The following ATP7B variants were observed in gnomAD, a reference collection of about 807,000 sequenced individuals.
ATP7B encodes copper-transporting ATPase 2.
Under a neutral mutation model 118.9 loss-of-function variants are expected in ATP7B, and 113 were observed. The observed-to-expected ratio is 0.95, with a 90% CI of 0.82 to 1.11. The LOEUF is 1.11. ATP7B is among the 50% of genes most tolerant of loss of function. ATP7B has a pLI of 0.00. For synonymous variants in ATP7B, 777 were observed against 727.4 expected (o/e 1.07, Z -1.10); for missense variants, 1,867 against 1,871.4 (o/e 1.00, Z 0.04).
At chr13:51,997,028 T>G (rs1953243868) in intron 1 of ATP7B, among the ~76,000 whole-genome samples, 1 of 152,232 alleles carries the variant, frequency 6.6e-6, no homozygotes, top group Non-Finnish European at 1.5e-5. Flanking sequence ...GCCAGCACTG[T>G]GGGGCTGTGC....
chr13:51,962,022 A>C, intron 5 of ATP7B, 109 bp from the exon 6 acceptor site: 3 of 895,534 alleles, frequency 3.3e-6, no homozygotes, highest in Non-Finnish European at 5.4e-6. Context: ...TGAATCTAAA[A>C]GTGCCTCAGT....
At chr13:51,995,236 G>A (rs1953147745) in intron 1 of ATP7B, 1 of 920,754 alleles carries the variant, frequency 1.1e-6, no homozygotes, top group Non-Finnish European at 1.3e-6. Flanking sequence ...CCACACAAGA[G>A]ACATGGAGAG....
At position 51,958,366 on chromosome 13, in the gene ATP7B, G is replaced by A. The variant is rs776668666; in HGVS notation, c.2300C>T (p.Pro767Leu). Residue 767 changes from proline (P) to leucine (L), a missense_variant, in exon 8 of 21, where the codon CCC (proline) becomes CTC (leucine). By Grantham distance (98) the Pro-to-Leu change is moderately conservative. Transcript: ENST00000242839. ...GGCAATGAACACAAAGAGCATGGGG[G>A]GCGTGTCGAAGAATGTCACAGGGCT... ...ERSPVTFFDT[P>L]PMLFVFIALG... 7.4e-6 allele frequency: 12 copies of A among 1,614,086 alleles called. No individual in the cohort carries two copies. In the African/African-American group the frequency reaches 9.3e-5, roughly 13 times the overall value.
At chr13:52,008,366 G>A (rs1953875039) in intron 1 of ATP7B, among the ~76,000 whole-genome samples, 1 of 152,128 alleles carries the variant, frequency 6.6e-6, no homozygotes, top group Non-Finnish European at 1.5e-5. Context: ...AAAATTTAAA[G>A]AAAGCTCTAT....
intron 1 of ATP7B, among the ~76,000 whole-genome samples, chr13:51,994,998 C>A (rs1293702431): frequency 6.6e-6 from 1 of 152,016 alleles, no homozygotes; most frequent in Non-Finnish European, 1.5e-5. Context: ...TACAGATTAA[C>A]AAAATAAGGT....
chr13:51,964,942 G>A lies in ATP7B; in HGVS notation c.1799C>T (p.Ala600Val). Residue 600 changes from alanine to valine, a missense_variant, in exon 5 of 21, where the codon GCC (alanine) becomes GTC (valine). Ala to Val is a moderately conservative substitution (Grantham distance 64). Coordinates refer to ENST00000242839, the MANE Select transcript of ATP7B (RefSeq NM_000053.4). The stretch of plus-strand genomic sequence containing the variant: ...AAACTTAACAAGGGCTTTGCTGGTG[G>A]CAAGGGCAACGGAGGCATAAGTGAT... ...NGITYASVAL[A>V]TSKALVKFDP... The A allele has an allele frequency of 6.2e-7, 1 of 1,614,154 alleles. No individual in the cohort carries two copies. Among genetic ancestry groups the A allele is most frequent in the Non-Finnish European group, 8.5e-7 (1 of 1,180,024 alleles).
chr13:51,987,048 A>G (rs1175501577), intron 1 of ATP7B, among the ~76,000 whole-genome samples: 2 of 152,224 alleles, frequency 1.3e-5, no homozygotes, highest in Non-Finnish European at 2.9e-5. Context: ...TATTCAACAC[A>G]GTATTGGAAG....
Position 51,958,616 on chromosome 13 carries a change from G to T in ATP7B, c.2122-72C>A, listed in dbSNP as rs1958516567. On this transcript the variant is annotated intron_variant, in intron 7 of 20. Transcript: ENST00000242839. ...TTCAATGAGCGACACAGGGCCAAGG[G>T]CCCTGGGGATGGCAAAGCCTCTAGC... 2.2e-6 allele frequency: 3 copies of T among 1,376,466 alleles called. No homozygotes were observed. In the South Asian group the frequency reaches 3.5e-5, roughly 16 times the overall value. The allele number at this position is 1,376,466 out of a possible 1,614,324, so 85.3% of individuals were successfully genotyped here.
intron 15 of ATP7B, 81 bp downstream of exon 15, chr13:51,942,305 A>G (rs952876467): frequency 5.0e-6 from 8 of 1,592,352 alleles, no homozygotes; most frequent in Admixed American, 5.0e-5. Flanking sequence ...CAGCAGAGGC[A>G]ATCACTGCTG....
chr13:51,979,274 T>C (rs1344418109), intron 1 of ATP7B, among the ~76,000 whole-genome samples: 1 of 152,198 alleles, frequency 6.6e-6, no homozygotes, highest in Non-Finnish European at 1.5e-5. Context: ...AATTCTGTCA[T>C]GGTGCTAGGA....
intron 12 of ATP7B, 149 bp downstream of exon 12, chr13:51,949,513 G>C (rs1212574417): frequency 1.8e-6 from 2 of 1,114,384 alleles, no homozygotes; most frequent in Non-Finnish European, 2.6e-6. Context: ...TCCTACTCTG[G>C]CTTAGATTTT....
intron 1 of ATP7B, among the ~76,000 whole-genome samples, chr13:51,998,544 A>G (rs1953330742): frequency 6.6e-6 from 1 of 152,214 alleles, no homozygotes; most frequent in African/African-American, 2.4e-5. Flanking sequence ...ACACAAGGGC[A>G]AACTCTATCA....
chr13:51,940,451 C>T (rs1045355136), intron 16 of ATP7B, among the ~76,000 whole-genome samples: 4 of 151,304 alleles, frequency 2.6e-5, no homozygotes, highest in South Asian at 4.2e-4. Flanking sequence ...GTCAGGAGTT[C>T]GAGACCAGCC....
rs777812184 is a variant in ATP7B, at chr13:51,949,999, T to C, written c.2730+8A>G. Reference sequence around the variant, plus strand: ...AGATGAAGTTAGTTTTAAAAATTTCTTCATTACCTTTGACATCTGAGCCTC... The same window carrying C: ...AGATGAAGTTAGTTTTAAAAATTTCCTCATTACCTTTGACATCTGAGCCTC... On this transcript the variant is annotated splice_region_variant and intron_variant, in intron 11 of 20. Coordinates refer to ENST00000242839, the MANE Select transcript of ATP7B (RefSeq NM_000053.4). The C allele has an allele frequency of 7.4e-6, 12 of 1,614,250 alleles. No homozygotes were observed. Among genetic ancestry groups the C allele is most frequent in the Non-Finnish European group, 1.0e-5 (12 of 1,180,046 alleles).
chr13:51,990,371 T>C (rs570806421), intron 1 of ATP7B, among the ~76,000 whole-genome samples: 6 of 152,298 alleles, frequency 3.9e-5, no homozygotes, highest in Admixed American at 3.9e-4. Context: ...TATTCTTCTA[T>C]AGAGAACTGT....
At chr13:51,948,902 G>A (rs897232658) in intron 12 of ATP7B, among the ~76,000 whole-genome samples, 11 of 152,170 alleles carry the variant, frequency 7.2e-5, no homozygotes, top group African/African-American at 2.4e-4. Flanking sequence ...ATTCACGCCT[G>A]GGTGCAGTGG....
chr13:51,937,491 G>A lies in ATP7B; in HGVS notation c.3888C>T (p.Asp1296=), dbSNP rs772616533. ...CCACGCTCACTCTGATAAGGACGAC[G>A]TCGGCTGCCTCGATGGCCACATCCG... ...TGTDVAIEAA[D]VVLIRNDLLD... Residue 1296 remains aspartate (D), a synonymous_variant, in exon 18 of 21, where the codon GAC becomes GAT. Coordinates refer to ENST00000242839, the MANE Select transcript of ATP7B (RefSeq NM_000053.4). 17 of 1,613,952 alleles carry A rather than the reference G, an allele frequency of 1.1e-5. No individual in the cohort carries two copies. Among genetic ancestry groups the A allele is most frequent in the African/African-American group, 4.0e-5 (3 of 74,934 alleles).
chr13:51,968,733 T>G (rs1951693272), intron 3 of ATP7B, 126 bp from the exon 4 acceptor site: 1 of 1,153,960 alleles, frequency 8.7e-7, no homozygotes, highest in South Asian at 1.3e-5. Context: ...TTTCAAACAC[T>G]GTTTGAAAAT....
Position 51,965,563 on chromosome 13 carries a change from G to A in ATP7B, c.1708-530C>T, listed in dbSNP as rs115205271. On this transcript the variant is annotated intron_variant, in intron 4 of 20. Transcript: ENST00000242839. ...AACAGGAGAAAAGTGGCTGATGCAG[G>A]AGATGTAATCAAAGGTGGTCCCAAG... Among the ~76,000 whole-genome samples, 1,371 of 152,288 alleles carry A rather than the reference G, an allele frequency of 9.0e-3. 20 individuals carry two copies. Among genetic ancestry groups the A allele is most frequent in the African/African-American group, 0.03 (1,235 of 41,552 alleles).
Sources: gnomAD v4.1 joint callset for allele counts (sites outside exome capture counted in the v4.1 genomes callset) on GRCh38, gnomAD v4.1.1 for gene constraint, MANE v1.5 for transcripts, NCBI Gene and HGNC (gene_info 2026-07-23, HGNC 2026-07-21) for gene names.